The following ACSL3 variants were observed in gnomAD, a reference collection of about 807,000 sequenced individuals.
ACSL3 encodes fatty acid CoA ligase Acsl3.
ACSL3 carries 34 observed loss-of-function variants against 84.7 expected under a neutral mutation model. The ratio of observed to expected loss-of-function variants is 0.40; its 90% CI spans 0.31 to 0.53. The LOEUF (loss-of-function observed/expected upper bound fraction) is 0.53. Ranked by LOEUF, ACSL3 falls within the 20% of genes least tolerant of loss-of-function variation. The pLI is 0.48. For missense variants in ACSL3, 680 were observed against 873.1 expected (o/e 0.78, Z 2.79); for synonymous variants, 315 against 299.4 (o/e 1.05, Z -0.54).
Position 222,923,098 on chromosome 2 carries a change from A to G in ACSL3, c.1101A>G (p.Gly367=), listed in dbSNP as rs1218884297. 1 of 1,613,878 alleles carries G rather than the reference A, an allele frequency of 6.2e-7. No homozygotes were observed. Among genetic ancestry groups the G allele is most frequent in the South Asian group, 1.1e-5 (1 of 91,064 alleles). Residue 367 remains glycine (G), a synonymous_variant, in exon 10 of 17, where the codon GGA becomes GGG. Coordinates refer to ENST00000357430, the MANE Select transcript of ACSL3 (RefSeq NM_004457.5). ...LADQSSKIKK[G]SKGDTSMLKP... The stretch of plus-strand genomic sequence containing the variant: ...TGTAGTCTTCAAAAATTAAAAAAGG[A>G]AGCAAAGGGGATACATCCATGTTGA...
intron 3 of ACSL3, among the ~76,000 whole-genome samples, chr2:222,902,618 C>T (rs1696181060): frequency 6.6e-6 from 1 of 151,982 alleles, no homozygotes; most frequent in Non-Finnish European, 1.5e-5. Context: ...TGTCTCATGA[C>T]CAGAAAAAAA....
chr2:222,938,816 A>C (rs571195764), intron 16 of ACSL3, among the ~76,000 whole-genome samples: 2 of 151,608 alleles, frequency 1.3e-5, no homozygotes, highest in Admixed American at 6.6e-5. Context: ...TCATTTTTAC[A>C]TTTTTCCTCT....
chr2:222,917,895 A>G, intron 5 of ACSL3, 151 bp from the exon 6 acceptor site: 1 of 465,824 alleles, frequency 2.1e-6, no homozygotes, highest in Non-Finnish European at 3.8e-6. Flanking sequence ...TTAGTATGAT[A>G]AGATAACTTT....
chr2:222,910,122 A>G (rs185504395), intron 4 of ACSL3, among the ~76,000 whole-genome samples: 1 of 152,330 alleles, frequency 6.6e-6, no homozygotes, highest in Admixed American at 6.5e-5. Flanking sequence ...TTATTATTAG[A>G]TTACTATTAT....
At chr2:222,884,347 A>C (rs1055412817) in intron 1 of ACSL3, among the ~76,000 whole-genome samples, 1 of 152,224 alleles carries the variant, frequency 6.6e-6, no homozygotes, top group Non-Finnish European at 1.5e-5. Flanking sequence ...TTTGTCTTCT[A>C]GGGCCACTGC....
chr2:222,932,379 A>G (rs1697055203), intron 14 of ACSL3, among the ~76,000 whole-genome samples: 1 of 152,076 alleles, frequency 6.6e-6, no homozygotes, highest in Admixed American at 6.5e-5. Flanking sequence ...CCCAGGCTGG[A>G]GTGCAGTGGC....
At chr2:222,929,885 A>T (rs1244149229) in intron 13 of ACSL3, among the ~76,000 whole-genome samples, 2 of 151,210 alleles carry the variant, frequency 1.3e-5, no homozygotes, top group Non-Finnish European at 2.9e-5. Context: ...TCATTTTGAA[A>T]TTATCTATAA....
chr2:222,909,075 C>T lies in ACSL3; in HGVS notation c.303C>T (p.Asn101=). ...VFTYAKNKFK[N]KRLLGTREVL... The stretch of plus-strand genomic sequence containing the variant: ...CATATGCAAAAAACAAATTTAAGAA[C>T]AAAAGACTCTTGGGAACACGTGAAG... Residue 101 remains asparagine, a synonymous_variant, in exon 4 of 17, where the codon AAC becomes AAT. Coordinates refer to ENST00000357430, the MANE Select transcript of ACSL3 (RefSeq NM_004457.5). The T allele has an allele frequency of 1.2e-6, 2 of 1,611,316 alleles. No homozygotes were observed. Among genetic ancestry groups the T allele is most frequent in the Non-Finnish European group, 8.5e-7 (1 of 1,179,182 alleles).
chr2:222,903,471 G>A (rs1696207973), intron 3 of ACSL3, among the ~76,000 whole-genome samples: 1 of 152,138 alleles, frequency 6.6e-6, no homozygotes, highest in Non-Finnish European at 1.5e-5. Context: ...CTTTCAAGTT[G>A]GAAAGTGCAT....
rs747297086 is a variant in ACSL3, at chr2:222,930,827, A to AT, written c.1732+22dup. On this transcript the variant is annotated intron_variant, in intron 14 of 16. Coordinates refer to ENST00000357430, the MANE Select transcript of ACSL3 (RefSeq NM_004457.5). Reference sequence around the variant, plus strand: ...AAAGATTATTGGTAAGTCATCTAATATTTTTTTGAAAATGAATGTTTCTGA... The same window carrying AT: ...AAAGATTATTGGTAAGTCATCTAATATTTTTTTTGAAAATGAATGTTTCTGA... The AT allele has an allele frequency of 3.2e-6, 5 of 1,576,532 alleles. No homozygotes were observed. Among genetic ancestry groups the AT allele is most frequent in the Non-Finnish European group, 3.4e-6 (4 of 1,162,398 alleles).
At chr2:222,886,655 A>G (rs539044619) in intron 1 of ACSL3, among the ~76,000 whole-genome samples, 14 of 152,372 alleles carry the variant, frequency 9.2e-5, no homozygotes, top group Middle Eastern at 3.4e-3. Flanking sequence ...ATCACCACAT[A>G]TACATCTTAA....
chr2:222,930,486 A>G, intron 13 of ACSL3, 135 bp from the exon 14 acceptor site: 1 of 643,106 alleles, frequency 1.6e-6, no homozygotes, highest in Non-Finnish European at 2.4e-6. Context: ...AACTTTGTTC[A>G]TTCATAGTGT....
chr2:222,918,119 C>T lies in ACSL3; in HGVS notation c.630C>T (p.Ile210=), dbSNP rs1443822547. The T allele has an allele frequency of 1.2e-6, 2 of 1,612,146 alleles. No individual in the cohort carries two copies. Among genetic ancestry groups the T allele is most frequent in the Admixed American group, 1.7e-5 (1 of 59,868 alleles). Residue 210 remains isoleucine (I), a synonymous_variant, in exon 6 of 17, where the codon ATC becomes ATT. Coordinates refer to ENST00000357430, the MANE Select transcript of ACSL3 (RefSeq NM_004457.5). ...TAAATGAAACAGAGGTGACCAACATCATTACTAGTAAAGAACTCTTACAAA... is the reference window on the plus strand; with the variant it reads ...TAAATGAAACAGAGGTGACCAACATTATTACTAGTAAAGAACTCTTACAAA... ...HALNETEVTN[I]ITSKELLQTK...
chr2:222,876,986 G>A (rs1051429735), intron 1 of ACSL3, among the ~76,000 whole-genome samples: 2 of 152,150 alleles, frequency 1.3e-5, no homozygotes, highest in African/African-American at 2.4e-5. Context: ...TCTGGATAGA[G>A]CATAGTTTTT....
chr2:222,863,205 C>G (rs879615455), intron 1 of ACSL3, among the ~76,000 whole-genome samples: 4 of 151,944 alleles, frequency 2.6e-5, no homozygotes, highest in Non-Finnish European at 5.9e-5. Flanking sequence ...TTGATAGGTA[C>G]GATGAAGGAA....
At chr2:222,914,429 A>T (rs546930166) in intron 4 of ACSL3, among the ~76,000 whole-genome samples, 1 of 152,108 alleles carries the variant, frequency 6.6e-6, no homozygotes, top group African/African-American at 2.4e-5. Context: ...CGTCTGGCTA[A>T]TTTTTACACT....
rs1697342347 is a variant in ACSL3 at position 222,942,590 on chromosome 2, G to GA, written c.*940dup. The GA allele has an allele frequency of 8.6e-5, 17 of 198,376 alleles. No individual in the cohort carries two copies. The East Asian group carries it at 1.4e-3, about 16-fold the overall frequency. The allele number at this position is 198,376 out of a possible 1,614,324, so 12.3% of individuals were successfully genotyped here. A position where few individuals can be genotyped will look rare whatever the true frequency, so the allele number is the denominator to read the frequency against. ...TATATTTGTAAACAAATTAGTCATG[G>GA]AAAATTATTCTATCTCAAAGTCTCC... On this transcript the variant is annotated 3_prime_UTR_variant, in exon 17 of 17. Transcript: ENST00000357430.
At chr2:222,862,984 G>A (rs1304952844) in intron 1 of ACSL3, among the ~76,000 whole-genome samples, 2 of 152,152 alleles carry the variant, frequency 1.3e-5, no homozygotes, top group Non-Finnish European at 2.9e-5. Context: ...TTAAAGCCTC[G>A]AGGTCTGTTT....
At chr2:222,881,879 T>C (rs1014917573) in intron 1 of ACSL3, among the ~76,000 whole-genome samples, 1 of 152,202 alleles carries the variant, frequency 6.6e-6, no homozygotes, top group African/African-American at 2.4e-5. Flanking sequence ...CTGTTAAATA[T>C]AGAGGATGGT....
Sources: gnomAD v4.1 joint callset for allele counts (sites outside exome capture counted in the v4.1 genomes callset) on GRCh38, gnomAD v4.1.1 for gene constraint, MANE v1.5 for transcripts, NCBI Gene and HGNC (gene_info 2026-07-23, HGNC 2026-07-21) for gene names.